KCTD9: variants seen among roughly 807,000 people sequenced by gnomAD.
KCTD9 encodes the protein potassium channel tetramerization domain containing 9.
KCTD9 carries 17 observed loss-of-function variants against 53.3 expected under a neutral mutation model. The observed-to-expected ratio is 0.32, with a 90% CI of 0.22 to 0.48. The LOEUF is 0.48. KCTD9 is among the 20% of genes least tolerant of loss of function. The pLI is 0.99. For missense variants in KCTD9, 179 were observed against 465.5 expected, an observed-to-expected ratio of 0.38 and a Z score of 5.66; for synonymous variants, 128 against 162.7, an observed-to-expected ratio of 0.79 and a Z score of 1.62.
At chr8:25,441,973 C>T (rs1586430098) in intron 3 of KCTD9, among the ~76,000 whole-genome samples, 1 of 152,024 alleles carries the variant, frequency 6.6e-6, no homozygotes, top group Non-Finnish European at 1.5e-5. Context: ...CACTGCACTA[C>T]AGCCTGAGTG....
chr8:25,457,927 C>G (rs866056194), intron 1 of KCTD9, among the ~76,000 whole-genome samples: 21 of 150,796 alleles, frequency 1.4e-4, no homozygotes, highest in East Asian at 2.0e-4. Context: ...CCCGCGCCCC[C>G]CGCACCAAGC....
chr8:25,458,178 G>A (rs1422006945), intron 1 of KCTD9, 21 bp downstream of exon 1: 3 of 966,648 alleles, frequency 3.1e-6, no homozygotes, highest in East Asian at 8.7e-5. Flanking sequence ...GGCCCGCCGC[G>A]CCCCCTCACG....
intron 1 of KCTD9, among the ~76,000 whole-genome samples, chr8:25,448,936 A>G (rs1802267381): frequency 6.6e-6 from 1 of 152,104 alleles, no homozygotes; most frequent in South Asian, 2.1e-4. Context: ...AAAAGAAAAA[A>G]AAGCCTGACT....
At chr8:25,444,084 T>C (rs1211248779) in intron 3 of KCTD9, among the ~76,000 whole-genome samples, 1 of 152,156 alleles carries the variant, frequency 6.6e-6, no homozygotes, top group African/African-American at 2.4e-5. Flanking sequence ...TTTAACGGCA[T>C]GTAAAACATG....
At position 25,427,952 on chromosome 8, in the gene KCTD9, T is replaced by C. The variant is rs1398390952; in HGVS notation, c.*1905A>G. ...CTACCCAGAACCACAGGGCTGGTTG[T>C]CAACACATATTGAAGAAATGTAAGC... On this transcript the variant is annotated 3_prime_UTR_variant, in exon 12 of 12. Coordinates refer to ENST00000221200, the MANE Select transcript of KCTD9 (RefSeq NM_017634.4). 2 of 152,216 alleles carry C rather than the reference T, an allele frequency of 1.3e-5. No homozygotes were observed. The highest frequency in any genetic ancestry group is 2.4e-5 in the African/African-American group (1 of 41,460). The allele number at this position is 152,216 out of a possible 1,614,324, so 9.4% of individuals were successfully genotyped here.
Position 25,455,812 on chromosome 8 carries a change from G to A in KCTD9, c.48+2387C>T, listed in dbSNP as rs548093720. ...CCTTCTTACAGGAGACCTGAGACCA[G>A]CTGAATGTTCAGTGACTGGAGGCAC... On this transcript the variant is annotated intron_variant, in intron 1 of 11. Coordinates refer to ENST00000221200, the MANE Select transcript of KCTD9 (RefSeq NM_017634.4). 1.1e-4 allele frequency among the ~76,000 whole-genome samples: 17 copies of A among 152,296 alleles called. No individual in the cohort carries two copies. The South Asian group carries it at 3.5e-3, about 32-fold the overall frequency.
At chr8:25,440,413 C>A (rs1195483969) in intron 4 of KCTD9, 164 bp downstream of exon 4, 1 of 581,312 alleles carries the variant, frequency 1.7e-6, no homozygotes. Context: ...CTGGAGTGAA[C>A]CATGTTTTTT....
chr8:25,433,511 A>C, intron 9 of KCTD9, 76 bp from the exon 10 acceptor site: 2 of 657,696 alleles, frequency 3.0e-6, no homozygotes, highest in Non-Finnish European at 4.9e-6. Context: ...TAAAAGAAAA[A>C]AAATAGAAAA....
chr8:25,453,256 C>G (rs1308339888), intron 1 of KCTD9, among the ~76,000 whole-genome samples: 1 of 151,912 alleles, frequency 6.6e-6, no homozygotes, highest in Non-Finnish European at 1.5e-5. Flanking sequence ...ACTCAGGAGG[C>G]TGAGGCAGGA....
intron 2 of KCTD9, 121 bp from the exon 3 acceptor site, chr8:25,444,456 C>A: frequency 1.2e-6 from 1 of 858,622 alleles, no homozygotes; most frequent in African/African-American, 1.8e-5. Context: ...TCAATCTAGA[C>A]TGCAAAGAAG....
At chr8:25,454,646 C>T (rs1321522035) in intron 1 of KCTD9, among the ~76,000 whole-genome samples, 1 of 151,890 alleles carries the variant, frequency 6.6e-6, no homozygotes, top group East Asian at 1.9e-4. Context: ...TTTTAAAAAA[C>T]AAAAACAAAA....
Position 25,429,193 on chromosome 8 carries a change from A to G in KCTD9, c.*664T>C, listed in dbSNP as rs529854577. ...ACCTTTGGAATGACAGTGATGTACA[A>G]TGATGTCTTTCTTTCCACTCTGTCT... On this transcript the variant is annotated 3_prime_UTR_variant, in exon 12 of 12. Coordinates refer to ENST00000221200, the MANE Select transcript of KCTD9 (RefSeq NM_017634.4). 1 of 152,448 alleles carries G rather than the reference A, an allele frequency of 6.6e-6. No individual in the cohort carries two copies. Among genetic ancestry groups the G allele is most frequent in the Admixed American group, 6.5e-5 (1 of 15,296 alleles). The allele number at this position is 152,448 out of a possible 1,614,324, so 9.4% of individuals were successfully genotyped here.
rs1329022091 is a variant in KCTD9, at chr8:25,439,599, C to T, written c.370+7G>A. 7 of 1,613,834 alleles carry T rather than the reference C, an allele frequency of 4.3e-6. No homozygotes were observed. Among genetic ancestry groups the T allele is most frequent in the Non-Finnish European group, 5.9e-6 (7 of 1,179,836 alleles). On this transcript the variant is annotated splice_region_variant and intron_variant, in intron 5 of 11. Coordinates refer to ENST00000221200, the MANE Select transcript of KCTD9 (RefSeq NM_017634.4). Reference sequence around the variant, plus strand: ...GATGAAATGTGAAAACAACGTGTTACACTCACCTTTGTCCTTAAACATGTG... The same window carrying T: ...GATGAAATGTGAAAACAACGTGTTATACTCACCTTTGTCCTTAAACATGTG...
At chr8:25,453,664 A>C (rs1802376592) in intron 1 of KCTD9, among the ~76,000 whole-genome samples, 1 of 152,120 alleles carries the variant, frequency 6.6e-6, no homozygotes, top group Non-Finnish European at 1.5e-5. Flanking sequence ...AAAAAAAAAA[A>C]AAAAAGGTAA....
chr8:25,452,059 C>T (rs2117441412), intron 1 of KCTD9, among the ~76,000 whole-genome samples: 1 of 152,158 alleles, frequency 6.6e-6, no homozygotes, highest in South Asian at 2.1e-4. Flanking sequence ...ATATACAATA[C>T]ACATAAATTG....
Position 25,428,026 on chromosome 8 carries a change from T to A in KCTD9, c.*1831A>T, listed in dbSNP as rs1197567834. 1 of 152,464 alleles carries A rather than the reference T, an allele frequency of 6.6e-6. No individual in the cohort carries two copies. Among genetic ancestry groups the A allele is most frequent in the African/African-American group, 2.4e-5 (1 of 41,452 alleles). 9.4% of individuals were successfully genotyped at this position (152,464 alleles called of 1,614,324 possible). A position where few individuals can be genotyped will look rare whatever the true frequency, so the allele number is the denominator to read the frequency against. On this transcript the variant is annotated 3_prime_UTR_variant, in exon 12 of 12. Coordinates refer to ENST00000221200, the MANE Select transcript of KCTD9 (RefSeq NM_017634.4). Reference sequence around the variant, plus strand: ...CAAAAGGAAGAGAAGAAACTCCTTTTCAACAAACACTTTATATCATTTATT... The same window carrying A: ...CAAAAGGAAGAGAAGAAACTCCTTTACAACAAACACTTTATATCATTTATT...
rs1199771998 is a variant in KCTD9 at position 25,440,660 on chromosome 8, A to C, written c.228T>G (p.Asp76Glu). The change falls in exon 4 of 12, where the codon GAT becomes GAG. Residue 76 changes from aspartate (D) to glutamate (E), a missense_variant. Asp to Glu is a conservative substitution (Grantham distance 45, BLOSUM62 2). Transcript: ENST00000221200. The part of the protein sequence containing the change: ...EGEPFIDPQT[D>E]SKPPEGLLGF... ...CTAACAATCCCTCAGGAGGCTTAGA[A>C]TCTGTCTGAGGATCTAGAGATGACA... The C allele has an allele frequency of 2.5e-6, 4 of 1,606,276 alleles. No individual in the cohort carries two copies. In the South Asian group the frequency reaches 4.4e-5, roughly 18 times the overall value.
At chr8:25,458,071 C>T (rs371973251) in intron 1 of KCTD9, 128 bp downstream of exon 1, 65 of 929,220 alleles carry the variant, frequency 7.0e-5, no homozygotes, top group African/African-American at 5.1e-4. Context: ...TCCCCGAGCG[C>T]CCCCAGCCCG....
chr8:25,456,486 A>G (rs1802436252), intron 1 of KCTD9, among the ~76,000 whole-genome samples: 1 of 152,202 alleles, frequency 6.6e-6, no homozygotes, highest in East Asian at 1.9e-4. Context: ...ACGTCTTAGA[A>G]TATGTTCATC....
Sources: gnomAD v4.1 joint callset for allele counts (sites outside exome capture counted in the v4.1 genomes callset) on GRCh38, gnomAD v4.1.1 for gene constraint, MANE v1.5 for transcripts, NCBI Gene and HGNC (gene_info 2026-07-23, HGNC 2026-07-21) for gene names.